KCNK9: variants seen among roughly 807,000 people sequenced by gnomAD.
KCNK9 encodes potassium two pore domain channel subfamily K member 9.
KCNK9 carries 1 observed loss-of-function variant against 10.8 expected under a neutral mutation model. The observed-to-expected ratio is 0.09, with a 90% CI of 0.03 to 0.44. The LOEUF is 0.44. KCNK9 is among the 20% of genes least tolerant of loss of function. The pLI, the probability that KCNK9 is intolerant of heterozygous loss-of-function variation, is 0.97. For synonymous variants in KCNK9, 231 were observed against 222.7 expected (o/e 1.04, Z -0.33); for missense variants, 303 against 515.0 (o/e 0.59, Z 3.98).
intron 1 of KCNK9, among the ~76,000 whole-genome samples, chr8:139,640,870 G>A (rs555873351): frequency 6.9e-4 from 105 of 152,372 alleles, no homozygotes; most frequent in African/African-American, 1.8e-3. Context: ...CATTGCAGAC[G>A]TGCACCGTCA....
intron 1 of KCNK9, among the ~76,000 whole-genome samples, chr8:139,690,915 A>C (rs1816922299): frequency 1.3e-5 from 2 of 152,194 alleles, no homozygotes; most frequent in Admixed American, 1.3e-4. Context: ...ACCCAGGTCA[A>C]GCAATTATCC....
At position 139,619,108 on chromosome 8, in the gene KCNK9, A is replaced by T; in HGVS notation, c.284-9T>A. 6.2e-7 allele frequency: 1 copy of T among 1,613,744 alleles called. No homozygotes were observed. Among genetic ancestry groups the T allele is most frequent in the South Asian group, 1.1e-5 (1 of 91,048 alleles). On this transcript the variant is annotated splice_polypyrimidine_tract_variant and intron_variant, in intron 1 of 1. Coordinates refer to ENST00000520439, the MANE Select transcript of KCNK9 (RefSeq NM_001282534.2). Reference sequence around the variant, plus strand: ...TGCAGCGTGCCCATAACCTGTGGGAAGGGGATGAGAAGAACAGAGAGAGCA... The same window carrying T: ...TGCAGCGTGCCCATAACCTGTGGGATGGGGATGAGAAGAACAGAGAGAGCA...
At chr8:139,601,130 A>G (rs1817355343) in exon 3 of KCNK9, 1 of 152,148 alleles carries the variant, frequency 6.6e-6, no homozygotes, top group Non-Finnish European at 1.5e-5. Flanking sequence ...GGGAAACCCC[A>G]CGGCACGCAG....
chr8:139,662,085 C>T (rs566605051), intron 1 of KCNK9, among the ~76,000 whole-genome samples: 19 of 152,324 alleles, frequency 1.2e-4, no homozygotes, highest in African/African-American at 4.1e-4. Flanking sequence ...CAGCGCCTGC[C>T]TAGCCTGACT....
At chr8:139,666,021 C>A (rs1232941177) in intron 1 of KCNK9, among the ~76,000 whole-genome samples, 1 of 152,240 alleles carries the variant, frequency 6.6e-6, no homozygotes, top group Non-Finnish European at 1.5e-5. Context: ...GCTCCTAAAG[C>A]AAGCCAAGCA....
At chr8:139,614,761 A>G (rs1237944582), downstream of KCNK9, among the ~76,000 whole-genome samples, 1 of 152,240 alleles carries the variant, frequency 6.6e-6, no homozygotes, top group South Asian at 2.1e-4. Context: ...TGTTGCCCCC[A>G]GGGGTCTTAG....
intron 1 of KCNK9, among the ~76,000 whole-genome samples, chr8:139,681,998 T>G (rs1816698083): frequency 6.6e-6 from 1 of 152,156 alleles, no homozygotes; most frequent in Admixed American, 6.5e-5. Flanking sequence ...GACCAGGCCC[T>G]GCAGGTACCC....
chr8:139,661,399 G>A (rs1293904728), intron 1 of KCNK9, among the ~76,000 whole-genome samples: 5 of 152,268 alleles, frequency 3.3e-5, no homozygotes, highest in South Asian at 4.1e-4. Context: ...AGCCGATGCT[G>A]GCCATGTCTC....
chr8:139,644,811 C>T (rs1815624988), intron 1 of KCNK9, among the ~76,000 whole-genome samples: 1 of 151,012 alleles, frequency 6.6e-6, no homozygotes, highest in Admixed American at 6.7e-5. Flanking sequence ...GCTTCAGGGC[C>T]ACCTCCGCTG....
intron 1 of KCNK9, among the ~76,000 whole-genome samples, chr8:139,643,702 C>G (rs1364746581): frequency 6.6e-6 from 1 of 152,198 alleles, no homozygotes; most frequent in Non-Finnish European, 1.5e-5. Context: ...GCCCCCACCC[C>G]ACCCCTGAGA....
intron 1 of KCNK9, among the ~76,000 whole-genome samples, chr8:139,624,735 G>A (rs537842383): frequency 6.6e-6 from 1 of 152,310 alleles, no homozygotes; most frequent in Non-Finnish European, 1.5e-5. Context: ...GCCAGCCCTA[G>A]AAGAGAACCT....
chr8:139,696,959 AGATGGATG>A (rs1817073394), intron 1 of KCNK9, among the ~76,000 whole-genome samples: 1 of 119,980 alleles, frequency 8.3e-6, no homozygotes, highest in African/African-American at 3.2e-5. Context: ...GTGGATGAAT[AGATGGATG>A]GATGGGTGGG....
At chr8:139,615,855 T>C (rs1814573264), downstream of KCNK9, 1 of 152,006 alleles carries the variant, frequency 6.6e-6, no homozygotes, top group Non-Finnish European at 1.5e-5. Flanking sequence ...TATGACCAAA[T>C]TGACACAGAT....
intron 1 of KCNK9, among the ~76,000 whole-genome samples, chr8:139,643,114 G>A (rs1286358969): frequency 6.6e-5 from 10 of 152,286 alleles, no homozygotes; most frequent in East Asian, 1.9e-4. Context: ...TGCAAAGGAC[G>A]TGGGCTTCCT....
At chr8:139,636,959 ACAAT>A (rs1250917569) in intron 1 of KCNK9, among the ~76,000 whole-genome samples, 1 of 152,200 alleles carries the variant, frequency 6.6e-6, no homozygotes, top group Non-Finnish European at 1.5e-5. Context: ...TTTGTTGAAA[ACAAT>A]CAAAGGCAAT....
rs1816824181 is a variant in KCNK9, at chr8:139,687,449, C to CGTATATATTCATATATATGTGTAT, written c.283+15260_283+15261insATACACATATATATGAATATATAC. On this transcript the variant is annotated intron_variant, in intron 1 of 1. Transcript: ENST00000520439. ...ACATATATATTCATATATATGTATACACATATATATTCATATATTCATATA... is the reference window on the plus strand; with the variant it reads ...ACATATATATTCATATATATGTATACGTATATATTCATATATATGTGTATACATATATATTCATATATTCATATA... Among the ~76,000 whole-genome samples the CGTATATATTCATATATATGTGTAT allele has an allele frequency of 3.7e-5, 2 of 54,556 alleles. 1 individual carries two copies. Among genetic ancestry groups the CGTATATATTCATATATATGTGTAT allele is most frequent in the African/African-American group, 1.4e-4 (2 of 14,458 alleles). 35.8% of individuals were successfully genotyped at this position (54,556 alleles called of 152,430 possible). A position where few individuals can be genotyped will look rare whatever the true frequency, so the allele number is the denominator to read the frequency against.
intron 1 of KCNK9, among the ~76,000 whole-genome samples, chr8:139,620,543 G>T (rs564745300): frequency 7.4e-4 from 112 of 152,132 alleles, no homozygotes; most frequent in Non-Finnish European, 1.3e-3. Flanking sequence ...TGCCTCTGAC[G>T]GCTCTAGCTC....
downstream of KCNK9, among the ~76,000 whole-genome samples, chr8:139,608,435 G>A (rs755882357): frequency 3.9e-5 from 6 of 152,226 alleles, no homozygotes; most frequent in Non-Finnish European, 8.8e-5. Context: ...ACGGGGAAAC[G>A]AAGGCTCTAG....
At chr8:139,700,334 T>C (rs992684135) in intron 1 of KCNK9, among the ~76,000 whole-genome samples, 2 of 152,186 alleles carry the variant, frequency 1.3e-5, no homozygotes, top group African/African-American at 2.4e-5. Flanking sequence ...GTGGGGAAAC[T>C]GAGGTCAGGA....
Sources: gnomAD v4.1 joint callset for allele counts (sites outside exome capture counted in the v4.1 genomes callset) on GRCh38, gnomAD v4.1.1 for gene constraint, MANE v1.5 for transcripts, NCBI Gene and HGNC (gene_info 2026-07-23, HGNC 2026-07-21) for gene names.